Variants in CAST observed in about 807,000 individuals in gnomAD.
CAST encodes MIR583 host.
A neutral mutation model predicts 119.6 loss-of-function variants in CAST; 76 were observed. The observed-to-expected ratio is 0.64, with a 90% CI of 0.53 to 0.77. CAST has a LOEUF of 0.77. Among genes scored for constraint, CAST ranks in the 30% least tolerant of loss-of-function variants. The pLI is 0.00. For missense variants in CAST, 953 were observed against 946.5 expected, an observed-to-expected ratio of 1.01 and a Z score of -0.09; for synonymous variants, 319 against 331.6, an observed-to-expected ratio of 0.96 and a Z score of 0.41.
chr5:96,408,415 G>T, the CAST span: 1 of 857,536 alleles, frequency 1.2e-6, no homozygotes, highest in Non-Finnish European at 1.9e-6. Context: ...GGCTGCATCT[G>T]CTATGACCAG....
At chr5:96,631,878 G>A (rs1747824185) in intron 1 of CAST, among the ~76,000 whole-genome samples, 1 of 151,998 alleles carries the variant, frequency 6.6e-6, no homozygotes, top group African/African-American at 2.4e-5. Context: ...GGAATTGCCG[G>A]GTCATATGGT....
chr5:96,708,184 T>C (rs945987002), intron 3 of CAST, among the ~76,000 whole-genome samples: 1 of 152,244 alleles, frequency 6.6e-6, no homozygotes, highest in African/African-American at 2.4e-5. Flanking sequence ...AGACATGCGT[T>C]ATTTTATAGC....
chr5:96,394,801 T>C, the CAST span: 11 of 1,505,076 alleles, frequency 7.3e-6, no homozygotes. Context: ...GGGTACAGCT[T>C]CACTGACTAC....
the CAST span, among the ~76,000 whole-genome samples, chr5:96,422,915 T>A: frequency 6.9e-6 from 1 of 145,042 alleles, no homozygotes; most frequent in East Asian, 1.9e-4. Flanking sequence ...TTCATATAAT[T>A]TTACAATGTC....
At chr5:96,422,007 A>G in the CAST span, 3 of 962,486 alleles carry the variant, frequency 3.1e-6, no homozygotes, top group Non-Finnish European at 4.9e-6. Context: ...AAAAAAAAAA[A>G]AAAAAAAAAA....
At chr5:96,508,255 T>C in the CAST span, among the ~76,000 whole-genome samples, 2 of 152,102 alleles carry the variant, frequency 1.3e-5, no homozygotes, top group East Asian at 3.9e-4. Context: ...CAAATTCTAA[T>C]CCTGACTCTG....
At chr5:96,132,476 C>A in the CAST span, among the ~76,000 whole-genome samples, 4 of 152,226 alleles carry the variant, frequency 2.6e-5, no homozygotes, top group Admixed American at 1.3e-4. Flanking sequence ...ACTATAGTCA[C>A]CTTACTGTGC....
chr5:96,637,662 T>C (rs1204266364), intron 1 of CAST, among the ~76,000 whole-genome samples: 5 of 152,104 alleles, frequency 3.3e-5, no homozygotes, highest in African/African-American at 1.2e-4. Context: ...CCCAGAAAAA[T>C]AACATAAAAC....
At chr5:96,681,639 A>G (rs1751428066) in intron 2 of CAST, among the ~76,000 whole-genome samples, 1 of 148,948 alleles carries the variant, frequency 6.7e-6, no homozygotes, top group African/African-American at 2.5e-5. Flanking sequence ...AGGCTGAGGC[A>G]GGAGAATGGC....
chr5:96,713,483 T>C (rs879742460), intron 3 of CAST, among the ~76,000 whole-genome samples: 1 of 152,166 alleles, frequency 6.6e-6, no homozygotes, highest in Non-Finnish European at 1.5e-5. Context: ...ATATATGCTT[T>C]AGATGAGCTC....
chr5:96,326,327 G>A, the CAST span, among the ~76,000 whole-genome samples: 1 of 152,152 alleles, frequency 6.6e-6, no homozygotes, highest in South Asian at 2.1e-4. Context: ...AGCCTCATTA[G>A]TCTAATGTCT....
the CAST span, among the ~76,000 whole-genome samples, chr5:96,465,565 ACATGTGAT>A: frequency 6.6e-6 from 1 of 152,126 alleles, no homozygotes; most frequent in African/African-American, 2.4e-5. Flanking sequence ...TTTTCAAAGT[ACATGTGAT>A]CATTTAATGC....
At chr5:95,962,699 A>G in the CAST span, among the ~76,000 whole-genome samples, 1 of 152,142 alleles carries the variant, frequency 6.6e-6, no homozygotes, top group Admixed American at 6.5e-5. Flanking sequence ...ATTCTCTGGG[A>G]TCACAACTGG....
At chr5:96,211,995 T>C in the CAST span, among the ~76,000 whole-genome samples, 1 of 152,116 alleles carries the variant, frequency 6.6e-6, no homozygotes. Context: ...GTATTAGTAT[T>C]GGTAATTTGT....
the CAST span, among the ~76,000 whole-genome samples, chr5:96,054,668 AC>A: frequency 4.6e-5 from 7 of 152,324 alleles, no homozygotes; most frequent in East Asian, 1.4e-3. Flanking sequence ...AAAATGAGGA[AC>A]ATACAATATT....
chr5:96,424,523 C>T, the CAST span, among the ~76,000 whole-genome samples: 1 of 152,134 alleles, frequency 6.6e-6, no homozygotes, highest in African/African-American at 2.4e-5. Context: ...GTTAAATGGG[C>T]ATAATTACTA....
chr5:96,320,179 G>C, the CAST span, among the ~76,000 whole-genome samples: 3 of 150,040 alleles, frequency 2.0e-5, no homozygotes, highest in Non-Finnish European at 4.4e-5. Context: ...AAGCAGCTGA[G>C]ACTGACAGCT....
At chr5:96,726,773 G>A in intron 4 of CAST, 21 bp from the exon 5 acceptor site, 1 of 1,568,342 alleles carries the variant, frequency 6.4e-7, no homozygotes. Flanking sequence ...AATTATACCT[G>A]GGGCTGTGCT....
upstream of CAST, among the ~76,000 whole-genome samples, chr5:96,523,102 T>C (rs754989565): frequency 1.3e-5 from 2 of 152,268 alleles, no homozygotes; most frequent in Non-Finnish European, 2.9e-5. Context: ...CCACCTGTAG[T>C]GCTCCCAGTG....
Sources: allele counts gnomAD v4.1 joint callset (sites outside exome capture counted in the v4.1 genomes callset), GRCh38; gene constraint gnomAD v4.1.1; transcripts MANE v1.5; gene names NCBI Gene and HGNC (gene_info 2026-07-23, HGNC 2026-07-21).